The following RPL27A variants were observed in gnomAD, a reference collection of about 807,000 sequenced individuals.
The protein encoded by RPL27A is large ribosomal subunit protein uL15.
For synonymous variants in RPL27A, 69 were observed against 68.3 expected (o/e 1.01, Z -0.05); for missense variants, 118 against 189.4 (o/e 0.62, Z 2.21).
chr11:8,685,340 A>C, intron 4 of RPL27A: 1 of 541,756 alleles, frequency 1.8e-6, no homozygotes, highest in Non-Finnish European at 3.6e-6. Flanking sequence ...TTCACTTCCC[A>C]GCCTATTTAA....
chr11:8,689,553 A>C lies in RPL27A; in HGVS notation c.*3747A>C, dbSNP rs2039618609. 6.6e-6 allele frequency: 1 copy of C among 152,002 alleles called. No homozygotes were observed. The highest frequency in any genetic ancestry group is 1.5e-5 in the Non-Finnish European group (1 of 68,024). 9.4% of individuals were successfully genotyped at this position (152,002 alleles called of 1,614,324 possible). On this transcript the variant is annotated 3_prime_UTR_variant, in exon 5 of 5. Coordinates refer to ENST00000314138, the MANE Select transcript of RPL27A (RefSeq NM_000990.5). Reference sequence around the variant, plus strand: ...CTACCAGAACTTGCCGTTGCTGAAAAGTAATATTTTCTCTTTCGAGAGTTT... The same window carrying C: ...CTACCAGAACTTGCCGTTGCTGAAACGTAATATTTTCTCTTTCGAGAGTTT...
chr11:8,685,608 T>G (rs1330215128), intron 4 of RPL27A, 70 bp from the exon 5 acceptor site: 2 of 1,571,440 alleles, frequency 1.3e-6, no homozygotes, highest in East Asian at 2.2e-5. Context: ...GTTGGCAGTC[T>G]TTCCTCACGC....
Position 8,686,864 on chromosome 11 carries a change from GCTT to G in RPL27A, c.*1059_*1061del, listed in dbSNP as rs1565593009. ...TTTATGGTTCTTCCTGTGATTTTGAGCTTTTTTTGACCCAAAATAATACAGTCT... is the reference window on the plus strand; with the variant it reads ...TTTATGGTTCTTCCTGTGATTTTGAGTTTTTGACCCAAAATAATACAGTCT... On this transcript the variant is annotated 3_prime_UTR_variant, in exon 5 of 5. Coordinates refer to ENST00000314138, the MANE Select transcript of RPL27A (RefSeq NM_000990.5). 2.6e-5 allele frequency: 4 copies of G among 152,036 alleles called. No homozygotes were observed. The highest frequency in any genetic ancestry group is 9.7e-5 in the African/African-American group (4 of 41,392). 9.4% of individuals were successfully genotyped at this position (152,036 alleles called of 1,614,324 possible). A position where few individuals can be genotyped will look rare whatever the true frequency, so the allele number is the denominator to read the frequency against.
Position 8,686,031 on chromosome 11 carries a change from T to C in RPL27A, c.*225T>C, listed in dbSNP as rs959277598. ...AACATTTCTGTTTATAAAGTCAGAA[T>C]AATACCTGTTGATCACTGAAAGGCC... On this transcript the variant is annotated 3_prime_UTR_variant, in exon 5 of 5. Transcript: ENST00000314138. 1.4e-5 allele frequency: 7 copies of C among 517,608 alleles called. No homozygotes were observed. The highest frequency in any genetic ancestry group is 1.3e-4 in the African/African-American group (7 of 52,502). 32.1% of individuals were successfully genotyped at this position (517,608 alleles called of 1,614,324 possible). A position where few individuals can be genotyped will look rare whatever the true frequency, so the allele number is the denominator to read the frequency against.
Position 8,684,891 on chromosome 11 carries a change from C to T in RPL27A, c.317C>T (p.Ser106Leu), listed in dbSNP as rs765906934. The change falls in exon 4 of 5, where the codon TCG becomes TTG. Residue 106 changes from serine (S) to leucine (L), a missense_variant and splice_region_variant. Physicochemically the swap from Ser to Leu is moderately radical, Grantham distance 145. Transcript: ENST00000314138. ...GAAPIIDVVR[S>L]GYYKVLGKGK... is the part of the protein sequence containing the mutation. ...GCTCCCATCATTGATGTGGTGCGAT[C>T]GGTAAGTTAATTGGATGTTTTTCTG... 17 of 1,614,064 alleles carry T rather than the reference C, an allele frequency of 1.1e-5. No homozygotes were observed. The highest frequency in any genetic ancestry group is 1.6e-4 in the Middle Eastern group (1 of 6,062).
chr11:8,683,098 A>G, intron 1 of RPL27A, 104 bp from the exon 2 acceptor site: 2 of 1,241,730 alleles, frequency 1.6e-6, no homozygotes, highest in South Asian at 2.4e-5. Context: ...AACGCTCCAG[A>G]AGTTAGGTCT....
In RPL27A at chr11:8,688,679, T is replaced by C. The variant is rs1050582028; in HGVS notation, c.*2873T>C. 6.6e-6 allele frequency: 1 copy of C among 152,276 alleles called. No individual in the cohort carries two copies. The highest frequency in any genetic ancestry group is 1.5e-5 in the Non-Finnish European group (1 of 68,054). The allele number at this position is 152,276 out of a possible 1,614,324, so 9.4% of individuals were successfully genotyped here. On this transcript the variant is annotated 3_prime_UTR_variant, in exon 5 of 5. Coordinates refer to ENST00000314138, the MANE Select transcript of RPL27A (RefSeq NM_000990.5). ...CAAACGTGGGAGCTGCAGGTGCAAC[T>C]TGATTTTATGACAAATGGCTGCCAC...
rs995248994 is a variant in RPL27A, at chr11:8,686,156, C to G, written c.*350C>G. The G allele has an allele frequency of 1.9e-5, 4 of 208,128 alleles. No individual in the cohort carries two copies. Among genetic ancestry groups the G allele is most frequent in the Non-Finnish European group, 4.0e-5 (4 of 101,132 alleles). 12.9% of individuals were successfully genotyped at this position (208,128 alleles called of 1,614,324 possible). ...AGATTCCATTTTGATGGGTCACATT[C>G]TAAAGAGGGGCAGTGTGATAGGAAT... On this transcript the variant is annotated 3_prime_UTR_variant, in exon 5 of 5. Coordinates refer to ENST00000314138, the MANE Select transcript of RPL27A (RefSeq NM_000990.5).
chr11:8,683,295 C>G, intron 2 of RPL27A, 30 bp downstream of exon 2: 2 of 1,600,884 alleles, frequency 1.2e-6, no homozygotes, highest in East Asian at 4.5e-5. Flanking sequence ...CGGGGTGGGC[C>G]TTGGGCTCTC....
rs2039610460 is a variant in RPL27A, at chr11:8,688,863, C to A, written c.*3057C>A. 6.6e-6 allele frequency: 1 copy of A among 152,316 alleles called. No individual in the cohort carries two copies. Among genetic ancestry groups the A allele is most frequent in the Non-Finnish European group, 1.5e-5 (1 of 68,100 alleles). 9.4% of individuals were successfully genotyped at this position (152,316 alleles called of 1,614,324 possible). ...GGAAGCGCGGGCGGAAGCTGTGCAG[C>A]GCCCACCTGGTGGCTCCATCGGCCG... On this transcript the variant is annotated 3_prime_UTR_variant, in exon 5 of 5. Transcript: ENST00000314138.
Position 8,683,803 on chromosome 11 carries a change from G to T in RPL27A, c.68-203G>T. 1.7e-6 allele frequency: 1 copy of T among 579,340 alleles called. No individual in the cohort carries two copies. The highest frequency in any genetic ancestry group is 3.1e-6 in the Non-Finnish European group (1 of 319,328). The allele number at this position is 579,340 out of a possible 1,614,324, so 35.9% of individuals were successfully genotyped here. On this transcript the variant is annotated intron_variant, in intron 2 of 4. Transcript: ENST00000314138. The stretch of plus-strand genomic sequence containing the variant: ...AGCGATTCTCCTGCCTCAGCCTCCC[G>T]AGTAGCTGATATTACAGGTGTGCGC...
chr11:8,684,201 C>G (rs1466164017), intron 3 of RPL27A, 120 bp downstream of exon 3: 1 of 855,524 alleles, frequency 1.2e-6, no homozygotes, highest in South Asian at 1.3e-5. Context: ...ACCAAGTTAA[C>G]ACTTGGTGTG....
chr11:8,685,481 G>A (rs2039577760), intron 4 of RPL27A, 197 bp from the exon 5 acceptor site: 2 of 732,520 alleles, frequency 2.7e-6, no homozygotes, highest in Non-Finnish European at 2.5e-6. Flanking sequence ...TTGTCCTGGT[G>A]TGCTAGAGTA....
Position 8,685,816 on chromosome 11 carries a change from G to A in RPL27A, c.*10G>A, listed in dbSNP as rs1256148312. On this transcript the variant is annotated 3_prime_UTR_variant, in exon 5 of 5. Coordinates refer to ENST00000314138, the MANE Select transcript of RPL27A (RefSeq NM_000990.5). Reference sequence around the variant, plus strand: ...TGTCCTGGTGGCTTGAAGCCACATGGAGGGAGTTTCATTAAATGCTAACTA... The same window carrying A: ...TGTCCTGGTGGCTTGAAGCCACATGAAGGGAGTTTCATTAAATGCTAACTA... 2 of 1,613,254 alleles carry A rather than the reference G, an allele frequency of 1.2e-6. No individual in the cohort carries two copies. Among genetic ancestry groups the A allele is most frequent in the Admixed American group, 1.7e-5 (1 of 59,974 alleles).
intron 1 of RPL27A, 146 bp downstream of exon 1, chr11:8,682,962 G>T: frequency 8.6e-7 from 1 of 1,157,480 alleles, no homozygotes. Context: ...GCCGGCGCGG[G>T]CCCGGGGCGG....
In RPL27A at chr11:8,683,241, G is replaced by C; in HGVS notation, c.43G>C (p.Val15Leu). ...GAAGACCCGGAAACTTAGGGGCCAC[G>C]TGAGCCACGGCCACGGCCGCATAGG... ...LRKTRKLRGH[V>L]SHGHGRIGKH... The change falls in exon 2 of 5, where the codon GTG (valine) becomes CTG (leucine). Residue 15 changes from valine to leucine, a missense_variant. Val to Leu is a conservative substitution (Grantham distance 32). Transcript: ENST00000314138. The C allele has an allele frequency of 6.2e-7, 1 of 1,614,248 alleles. No homozygotes were observed. The highest frequency in any genetic ancestry group is 8.5e-7 in the Non-Finnish European group (1 of 1,180,036).
chr11:8,682,914 G>T, intron 1 of RPL27A, 98 bp downstream of exon 1: 1 of 1,439,648 alleles, frequency 6.9e-7, no homozygotes, highest in Non-Finnish European at 9.4e-7. Context: ...CATGGTCGGG[G>T]CTTCCAGGCT....
At chr11:8,685,054 CCTA>C (rs2039573155) in intron 4 of RPL27A, 162 bp downstream of exon 4, 1 of 708,744 alleles carries the variant, frequency 1.4e-6, no homozygotes, top group African/African-American at 1.8e-5. Flanking sequence ...CGTAGCAGTG[CCTA>C]CTGTCACTGC....
Position 8,685,500 on chromosome 11 carries a change from G to C in RPL27A, c.319-178G>C, listed in dbSNP as rs759761634. 48 of 759,428 alleles carry C rather than the reference G, an allele frequency of 6.3e-5. No individual in the cohort carries two copies. In the African/African-American group the frequency reaches 7.8e-4, roughly 12 times the overall value. The allele number at this position is 759,428 out of a possible 1,614,324, so 47.0% of individuals were successfully genotyped here. On this transcript the variant is annotated intron_variant, in intron 4 of 4. Coordinates refer to ENST00000314138, the MANE Select transcript of RPL27A (RefSeq NM_000990.5). Reference sequence around the variant, plus strand: ...CCTGGTGTGCTAGAGTACTCGAAGAGAATCTACTGGTCTTGATTCACTGGT... The same window carrying C: ...CCTGGTGTGCTAGAGTACTCGAAGACAATCTACTGGTCTTGATTCACTGGT...
Sources: allele counts gnomAD v4.1 joint callset, GRCh38; gene constraint gnomAD v4.1.1; transcripts MANE v1.5; gene names NCBI Gene and HGNC (gene_info 2026-07-23, HGNC 2026-07-21).